WDR90: variants seen among roughly 807,000 people sequenced by gnomAD.
WDR90 encodes WD repeat-containing protein 90.
WDR90 carries 238 observed loss-of-function variants against 195.2 expected under a neutral mutation model. The ratio of observed to expected loss-of-function variants is 1.22; its 90% CI spans 1.10 to 1.36. The LOEUF (loss-of-function observed/expected upper bound fraction) is 1.36. Among genes scored for constraint, WDR90 ranks in the 40% most tolerant of loss-of-function variants. The pLI is 0.00. For missense variants in WDR90, 2,734 were observed against 2,439.5 expected (o/e 1.12, Z -2.54); for synonymous variants, 1,265 against 1,052.4 (o/e 1.20, Z -3.91).
At chr16:657,282 G>A (rs2037779622) in intron 20 of WDR90, 61 bp downstream of exon 20, 4 of 1,479,478 alleles carry the variant, frequency 2.7e-6, no homozygotes, top group African/African-American at 1.4e-5. Flanking sequence ...TGGATCTGGT[G>A]CAGGCCCACA....
chr16:654,830 G>A (rs758517222), intron 13 of WDR90, 199 bp from the exon 14 acceptor site: 7 of 591,834 alleles, frequency 1.2e-5, no homozygotes, highest in African/African-American at 1.9e-5. Flanking sequence ...TCAGCATTGC[G>A]GGTCTCTGTA....
chr16:652,552 T>C lies in WDR90; in HGVS notation c.1122+17T>C, dbSNP rs1469134068. ...ACCAGACAGGTGAGGCTCCTGCGGC[T>C]GTGTCCAGAGCAGCTCTCGTTGGCC... On this transcript the variant is annotated intron_variant, in intron 10 of 40. Transcript: ENST00000293879. 8 of 1,601,444 alleles carry C rather than the reference T, an allele frequency of 5.0e-6. No homozygotes were observed. The African/African-American group carries it at 6.7e-5, about 13-fold the overall frequency.
chr16:662,116 G>A (rs2037929778), intron 32 of WDR90, 57 bp downstream of exon 32: 1 of 1,569,154 alleles, frequency 6.4e-7, no homozygotes, highest in African/African-American at 1.3e-5. Context: ...GATCCTCAGA[G>A]CTGGGGCAGA....
chr16:666,622 G>C, intron 38 of WDR90, 24 bp downstream of exon 38: 1 of 1,611,548 alleles, frequency 6.2e-7, no homozygotes, highest in Non-Finnish European at 8.5e-7. Context: ...CTGGCACTGT[G>C]GGTGGGGCCG....
Position 655,711 on chromosome 16 carries a change from G to C in WDR90, c.1849+8G>C, listed in dbSNP as rs1196839042. On this transcript the variant is annotated splice_region_variant and intron_variant, in intron 16 of 40. Coordinates refer to ENST00000293879, the MANE Select transcript of WDR90 (RefSeq NM_145294.5). Reference sequence around the variant, plus strand: ...AGCAGACCTTCAGCTCAGGTAAGAGGGCGCCCACCACGTGGCCAGGGTGGC... The same window carrying C: ...AGCAGACCTTCAGCTCAGGTAAGAGCGCGCCCACCACGTGGCCAGGGTGGC... 6.3e-7 allele frequency: 1 copy of C among 1,586,732 alleles called. No homozygotes were observed. The highest frequency in any genetic ancestry group is 1.1e-5 in the South Asian group (1 of 88,102).
At position 651,676 on chromosome 16, in the gene WDR90, T is replaced by C; in HGVS notation, c.769T>C (p.Cys257Arg). The C allele has an allele frequency of 6.2e-7, 1 of 1,612,942 alleles. No individual in the cohort carries two copies. Among genetic ancestry groups the C allele is most frequent in the Non-Finnish European group, 8.5e-7 (1 of 1,179,992 alleles). The change falls in exon 8 of 41, where the codon TGC becomes CGC. Residue 257 changes from cysteine to arginine, a missense_variant. Cys to Arg is a radical substitution (Grantham distance 180, BLOSUM62 -3). Transcript: ENST00000293879. ...LLGPGPQPLPCPVASSKPVRF... is the reference protein window; with the variant it reads ...LLGPGPQPLPRPVASSKPVRF... ...GGGGCCGGGGCCACAGCCTCTCCCT[T>C]GCCCGGTGGCCTCCAGCAAACCTGT...
At position 665,277 on chromosome 16, in the gene WDR90, G is replaced by A. The variant is rs936585025; in HGVS notation, c.4312-402G>A. 4 of 404,102 alleles carry A rather than the reference G, an allele frequency of 9.9e-6. No individual in the cohort carries two copies. The South Asian group carries it at 1.7e-4, about 17-fold the overall frequency. The allele number at this position is 404,102 out of a possible 1,614,324, so 25.0% of individuals were successfully genotyped here. ...TCCTGTCTTTCAGCCTCAGTCTGCA[G>A]CCTGCTAGGGACGCACGGCCACACT... On this transcript the variant is annotated intron_variant, in intron 34 of 40. Transcript: ENST00000293879.
At position 661,392 on chromosome 16, in the gene WDR90, C is replaced by T. The variant is rs778719483; in HGVS notation, c.3564C>T (p.Ile1188=). The T allele has an allele frequency of 1.9e-6, 3 of 1,611,706 alleles. No individual in the cohort carries two copies. The highest frequency in any genetic ancestry group is 1.7e-6 in the Non-Finnish European group (2 of 1,179,840). The change falls in exon 30 of 41, where the codon ATC becomes ATT. Residue 1188 remains isoleucine (I), a synonymous_variant. Transcript: ENST00000293879. Reference sequence around the variant, plus strand: ...GCAGCACGACCGCCCATTGTCAGATCCGCGTCTGGGACGTGTCTGGCGGCC... The same window carrying T: ...GCAGCACGACCGCCCATTGTCAGATTCGCGTCTGGGACGTGTCTGGCGGCC... ...GRSSTTAHCQ[I]RVWDVSGGLC... is the part of the protein sequence containing the mutation.
At position 665,777 on chromosome 16, in the gene WDR90, G is replaced by A. The variant is rs1290447761; in HGVS notation, c.4410G>A (p.Val1470=). 6.3e-7 allele frequency: 1 copy of A among 1,597,980 alleles called. No individual in the cohort carries two copies. Among genetic ancestry groups the A allele is most frequent in the Non-Finnish European group, 8.6e-7 (1 of 1,169,282 alleles). ...RVWALASMEL[V]IQFQVLNQSC... ...GGGCCTTGGCCAGCATGGAGCTTGT[G>A]ATCCAGTTCCAGGTGCTGAACCAGG... Residue 1470 remains valine, a synonymous_variant, in exon 35 of 41, where the codon GTG becomes GTA. Transcript: ENST00000293879.
rs767675485 is a variant in WDR90 at position 656,440 on chromosome 16, C to T, written c.2105C>T (p.Pro702Leu). ...ATGCTGGCTCGCTCCCACACCGCCC[C>T]GGTGTTGGCCCTCGCCATGGAGCAG... The part of the protein sequence containing the change: ...YHMLARSHTA[P>L]VLALAMEQRR... Residue 702 changes from proline (P) to leucine (L), a missense_variant, in exon 18 of 41, where the codon CCG becomes CTG. Coordinates refer to ENST00000293879, the MANE Select transcript of WDR90 (RefSeq NM_145294.5). The T allele has an allele frequency of 1.4e-4, 217 of 1,601,606 alleles. No individual in the cohort carries two copies. Among genetic ancestry groups the T allele is most frequent in the African/African-American group, 1.9e-4 (14 of 74,686 alleles).
rs767544499 is a variant in WDR90, at chr16:666,021, C to T, written c.4506C>T (p.Tyr1502=). The T allele has an allele frequency of 2.7e-5, 43 of 1,604,022 alleles. No individual in the cohort carries two copies. The highest frequency in any genetic ancestry group is 2.3e-4 in the Admixed American group (14 of 59,998). The change falls in exon 36 of 41, where the codon TAC becomes TAT. Residue 1502 remains tyrosine (Y), a synonymous_variant. Coordinates refer to ENST00000293879, the MANE Select transcript of WDR90 (RefSeq NM_145294.5). Reference sequence around the variant, plus strand: ...AGCAGCAGCGGCTAGCGGCTGGCTACGGTGACGGCTCCCTGCGCATCTTCA... The same window carrying T: ...AGCAGCAGCGGCTAGCGGCTGGCTATGGTGACGGCTCCCTGCGCATCTTCA... The part of the protein sequence containing the change: ...RPEQQRLAAG[Y]GDGSLRIFSV...
At chr16:653,026 G>C (rs998392417) in intron 10 of WDR90, among the ~76,000 whole-genome samples, 4 of 152,216 alleles carry the variant, frequency 2.6e-5, no homozygotes, top group Admixed American at 2.6e-4. Flanking sequence ...GGGCCCTTTG[G>C]CCTTTTGTTA....
At chr16:655,746 G>A (rs771967773) in intron 16 of WDR90, 27 bp from the exon 17 acceptor site, 24 of 1,582,648 alleles carry the variant, frequency 1.5e-5, no homozygotes, top group Middle Eastern at 1.7e-4. Flanking sequence ...CAGGGACACC[G>A]AGGCACTGAC....
In WDR90 at chr16:653,739, T is replaced by A; in HGVS notation, c.1380-7T>A. On this transcript the variant is annotated splice_polypyrimidine_tract_variant and splice_region_variant and intron_variant, in intron 12 of 40. Transcript: ENST00000293879. The stretch of plus-strand genomic sequence containing the variant: ...GGCGACAATGACCACCTCCTCCCTG[T>A]TCACAGCTTCTCTGACAGCGGGGCC... 6.2e-7 allele frequency: 1 copy of A among 1,613,298 alleles called. No homozygotes were observed. The highest frequency in any genetic ancestry group is 1.1e-5 in the South Asian group (1 of 91,086).
In WDR90 at chr16:655,711, G is replaced by T; in HGVS notation, c.1849+8G>T. The T allele has an allele frequency of 6.3e-7, 1 of 1,586,732 alleles. No individual in the cohort carries two copies. The highest frequency in any genetic ancestry group is 8.6e-7 in the Non-Finnish European group (1 of 1,165,792). On this transcript the variant is annotated splice_region_variant and intron_variant, in intron 16 of 40. Coordinates refer to ENST00000293879, the MANE Select transcript of WDR90 (RefSeq NM_145294.5). ...AGCAGACCTTCAGCTCAGGTAAGAG[G>T]GCGCCCACCACGTGGCCAGGGTGGC... is the stretch of plus-strand genomic sequence containing the variant.
intron 17 of WDR90, 24 bp from the exon 18 acceptor site, chr16:656,277 GC>G: frequency 6.3e-7 from 1 of 1,586,472 alleles, no homozygotes; most frequent in Non-Finnish European, 8.6e-7. Flanking sequence ...GGCCCTGGAG[GC>G]CCCTGACCCC....
chr16:652,395 G>T, intron 9 of WDR90, 72 bp from the exon 10 acceptor site: 1 of 1,519,562 alleles, frequency 6.6e-7, no homozygotes, highest in Non-Finnish European at 8.9e-7. Flanking sequence ...GGTTGGCGGG[G>T]CTCGGAGTTG....
At position 656,555 on chromosome 16, in the gene WDR90, C is replaced by T. The variant is rs2037759339; in HGVS notation, c.2202+18C>T. 1 of 1,561,860 alleles carries T rather than the reference C, an allele frequency of 6.4e-7. No homozygotes were observed. Among genetic ancestry groups the T allele is most frequent in the South Asian group, 1.1e-5 (1 of 87,226 alleles). On this transcript the variant is annotated intron_variant, in intron 18 of 40. Coordinates refer to ENST00000293879, the MANE Select transcript of WDR90 (RefSeq NM_145294.5). ...TGCAGCAGGTGGGGTTTGGCAGGGG[C>T]AGCACGGCAGGGAGGGCCGGGAGGT...
rs560446015 is a variant in WDR90, at chr16:653,217, GGT to G, written c.1123-116_1123-115del. ...TTGCCCCTGGGTGGCTGTGTGCCCA[GGT>G]GTGTGTGCCAGGCCTGCCACCCCCT... On this transcript the variant is annotated intron_variant, in intron 10 of 40. Coordinates refer to ENST00000293879, the MANE Select transcript of WDR90 (RefSeq NM_145294.5). 101 of 735,804 alleles carry G rather than the reference GGT, an allele frequency of 1.4e-4. No homozygotes were observed. In the Middle Eastern group the frequency reaches 1.5e-3, roughly 11 times the overall value. The allele number at this position is 735,804 out of a possible 1,614,324, so 45.6% of individuals were successfully genotyped here.
Sources: gnomAD v4.1 joint callset for allele counts (sites outside exome capture counted in the v4.1 genomes callset) on GRCh38, gnomAD v4.1.1 for gene constraint, MANE v1.5 for transcripts, NCBI Gene and HGNC (gene_info 2026-07-23, HGNC 2026-07-21) for gene names.